The following KCNIP1 variants were observed in gnomAD, a reference collection of about 807,000 sequenced individuals.
The protein encoded by KCNIP1 is potassium voltage-gated channel interacting protein 1.
KCNIP1 carries 18 observed loss-of-function variants against 33.0 expected under a neutral mutation model. That is an observed-to-expected ratio of 0.55 (90% CI 0.38 to 0.81). The LOEUF is 0.81. KCNIP1 is among the 30% of genes least tolerant of loss of function. The probability of loss-of-function intolerance (pLI) is 0.00; values close to 1 mark genes in which losing one functional copy is unlikely to be tolerated. For missense variants in KCNIP1, 238 were observed against 271.6 expected (o/e 0.88, Z 0.87); for synonymous variants, 93 against 98.3 (o/e 0.95, Z 0.32).
At chr5:170,512,645 C>T (rs988586559) in intron 1 of KCNIP1, among the ~76,000 whole-genome samples, 12 of 152,342 alleles carry the variant, frequency 7.9e-5, no homozygotes, top group East Asian at 3.9e-4. Flanking sequence ...TAAGATGCAG[C>T]GGTCAGCACT....
chr5:170,709,629 C>G (rs1405540179), intron 1 of KCNIP1, among the ~76,000 whole-genome samples: 2 of 152,112 alleles, frequency 1.3e-5, no homozygotes, highest in Non-Finnish European at 2.9e-5. Context: ...TGGTTTTACT[C>G]TGATGTTCTT....
chr5:170,537,746 A>G (rs1756049693), intron 1 of KCNIP1, among the ~76,000 whole-genome samples: 1 of 152,100 alleles, frequency 6.6e-6, no homozygotes, highest in African/African-American at 2.4e-5. Context: ...CCTTTTGTTG[A>G]TGGTTTTCCT....
chr5:170,653,852 C>G (rs892278697), intron 1 of KCNIP1, among the ~76,000 whole-genome samples: 3 of 152,034 alleles, frequency 2.0e-5, no homozygotes, highest in Admixed American at 6.5e-5. Context: ...CCACTCCCAC[C>G]CTGGGCCAAG....
At chr5:170,599,309 C>A (rs1232483432) in intron 1 of KCNIP1, among the ~76,000 whole-genome samples, 2 of 152,162 alleles carry the variant, frequency 1.3e-5, no homozygotes, top group Non-Finnish European at 2.9e-5. Context: ...GCACACCGTG[C>A]ATCCCTTTTT....
chr5:170,636,517 T>G (rs1022973776), intron 1 of KCNIP1, among the ~76,000 whole-genome samples: 1 of 152,116 alleles, frequency 6.6e-6, no homozygotes, highest in East Asian at 1.9e-4. Flanking sequence ...AGAATATTGA[T>G]TGAGCACCTA....
At chr5:170,368,203 C>T (rs1763748238) in intron 1 of KCNIP1, among the ~76,000 whole-genome samples, 1 of 152,080 alleles carries the variant, frequency 6.6e-6, no homozygotes, top group Non-Finnish European at 1.5e-5. Context: ...TACACTGAAA[C>T]ATTAGTTTAG....
intron 1 of KCNIP1, among the ~76,000 whole-genome samples, chr5:170,676,616 G>T (rs575457163): frequency 1.3e-5 from 2 of 152,148 alleles, no homozygotes; most frequent in African/African-American, 4.8e-5. Flanking sequence ...TCCAAATGAG[G>T]TTTAGACAGT....
intron 1 of KCNIP1, among the ~76,000 whole-genome samples, chr5:170,523,390 G>C (rs11957313): frequency 1.3e-5 from 2 of 152,116 alleles, no homozygotes; most frequent in African/African-American, 4.8e-5. Flanking sequence ...ATAATTACAC[G>C]ATTCAGAGCC....
chr5:170,607,301 GATGAAGAGTAA>G (rs1460568703), intron 1 of KCNIP1, among the ~76,000 whole-genome samples: 17 of 152,216 alleles, frequency 1.1e-4, no homozygotes, highest in African/African-American at 3.9e-4. Flanking sequence ...GTAGAGTAGT[GATGAAGAGTAA>G]ATGAGCTAAT....
intron 1 of KCNIP1, among the ~76,000 whole-genome samples, chr5:170,678,229 T>C (rs1407302511): frequency 6.6e-6 from 1 of 152,208 alleles, no homozygotes; most frequent in Non-Finnish European, 1.5e-5. Context: ...CAGACTCAGC[T>C]TGGGACATAT....
At chr5:170,683,789 T>C (rs959116884) in intron 1 of KCNIP1, among the ~76,000 whole-genome samples, 3 of 151,950 alleles carry the variant, frequency 2.0e-5, no homozygotes, top group African/African-American at 4.8e-5. Flanking sequence ...AGTGGCATGA[T>C]ATCAGTTCAT....
intron 1 of KCNIP1, among the ~76,000 whole-genome samples, chr5:170,575,040 C>T (rs1024606384): frequency 2.0e-5 from 3 of 151,934 alleles, no homozygotes; most frequent in African/African-American, 4.8e-5. Context: ...TAAGCCATCA[C>T]AGTACAAGGC....
intron 1 of KCNIP1, among the ~76,000 whole-genome samples, chr5:170,362,184 G>C (rs1049747250): frequency 1.3e-4 from 20 of 152,164 alleles, no homozygotes; most frequent in Non-Finnish European, 1.0e-4. Context: ...CAGATATAAA[G>C]AGCGAGCTTC....
At chr5:170,601,992 G>A (rs559064996) in intron 1 of KCNIP1, among the ~76,000 whole-genome samples, 7 of 152,130 alleles carry the variant, frequency 4.6e-5, no homozygotes, top group South Asian at 2.1e-4. Flanking sequence ...AAATGACACC[G>A]CCCCAGGCTC....
At chr5:170,418,409 A>C (rs1755389769) in intron 1 of KCNIP1, among the ~76,000 whole-genome samples, 1 of 152,204 alleles carries the variant, frequency 6.6e-6, no homozygotes, top group Non-Finnish European at 1.5e-5. Context: ...AGCCTGGGCT[A>C]CAAAGTGAGA....
At chr5:170,569,284 C>A (rs933184894) in intron 1 of KCNIP1, among the ~76,000 whole-genome samples, 4 of 152,260 alleles carry the variant, frequency 2.6e-5, no homozygotes, top group Non-Finnish European at 5.9e-5. Flanking sequence ...CTCCCAAAAT[C>A]TGCACCCCCA....
At chr5:170,710,541 T>TA (rs201990091) in intron 1 of KCNIP1, among the ~76,000 whole-genome samples, 1 of 152,162 alleles carries the variant, frequency 6.6e-6, no homozygotes, top group African/African-American at 2.4e-5. Flanking sequence ...CACATTGGAA[T>TA]AAAAAATGTG....
At position 170,542,271 on chromosome 5, in the gene KCNIP1, G is replaced by A. The variant is rs187684290; in HGVS notation, c.61+37638G>A. Among the ~76,000 whole-genome samples, 8 of 152,292 alleles carry A rather than the reference G, an allele frequency of 5.3e-5. No homozygotes were observed. The East Asian group carries it at 1.5e-3, about 29-fold the overall frequency. Reference sequence around the variant, plus strand: ...AGTGTAGCATCAAAATTAACAGCTTGGTTTGGAAGTCAGACACACCTCAGG... The same window carrying A: ...AGTGTAGCATCAAAATTAACAGCTTAGTTTGGAAGTCAGACACACCTCAGG... On this transcript the variant is annotated intron_variant, in intron 1 of 7. Transcript: ENST00000328939.
At chr5:170,383,991 T>C in intron 1 of KCNIP1, 1 of 790,104 alleles carries the variant, frequency 1.3e-6, no homozygotes. Flanking sequence ...CATCCAGCAA[T>C]AAAGGCACAT....
Sources: gnomAD v4.1 joint callset for allele counts (sites outside exome capture counted in the v4.1 genomes callset) on GRCh38, gnomAD v4.1.1 for gene constraint, MANE v1.5 for transcripts, NCBI Gene and HGNC (gene_info 2026-07-23, HGNC 2026-07-21) for gene names.